DOCK3: variants seen among roughly 807,000 people sequenced by gnomAD.
The protein encoded by DOCK3 is dedicator of cytokinesis 3, also known as dedicator of cytokinesis protein 3.
Under a neutral mutation model 265.6 loss-of-function variants are expected in DOCK3, and 60 were observed. The ratio of observed to expected loss-of-function variants is 0.23; its 90% CI spans 0.18 to 0.28. DOCK3 has a LOEUF of 0.28. Ranked by LOEUF, DOCK3 falls within the 10% of genes least tolerant of loss-of-function variation. DOCK3 has a pLI of 1.00. For synonymous variants in DOCK3, 881 were observed against 938.0 expected, an observed-to-expected ratio of 0.94 and a Z score of 1.11; for missense variants, 1,981 against 2,594.3, an observed-to-expected ratio of 0.76 and a Z score of 5.14.
intron 32 of DOCK3, among the ~76,000 whole-genome samples, chr3:51,327,382 A>G (rs2084197044): frequency 6.6e-6 from 1 of 152,218 alleles, no homozygotes; most frequent in South Asian, 2.1e-4. Flanking sequence ...GGTAAATATC[A>G]GAACTATGCA....
chr3:50,766,070 C>T (rs2040853663), intron 1 of DOCK3, among the ~76,000 whole-genome samples: 1 of 152,110 alleles, frequency 6.6e-6, no homozygotes, highest in Non-Finnish European at 1.5e-5. Flanking sequence ...CTTCTAGGTT[C>T]ATCCATCTTG....
chr3:50,843,984 T>G (rs2045964475), intron 3 of DOCK3, among the ~76,000 whole-genome samples: 1 of 152,184 alleles, frequency 6.6e-6, no homozygotes, highest in South Asian at 2.1e-4. Context: ...GTGCTAATAT[T>G]ATGGTCCTAC....
chr3:51,109,712 C>T (rs2083434308), intron 9 of DOCK3, among the ~76,000 whole-genome samples: 1 of 152,008 alleles, frequency 6.6e-6, no homozygotes, highest in African/African-American at 2.4e-5. Flanking sequence ...CCAGGTGGAC[C>T]ACTGGAACCT....
chr3:51,302,602 A>G (rs1030168520), intron 27 of DOCK3, among the ~76,000 whole-genome samples: 35 of 152,156 alleles, frequency 2.3e-4, no homozygotes, highest in African/African-American at 8.4e-4. Context: ...GAGTTCTTGC[A>G]AGGCAGGCCT....
At chr3:50,786,528 T>C (rs1179416372) in intron 2 of DOCK3, 3 of 389,940 alleles carry the variant, frequency 7.7e-6, no homozygotes, top group South Asian at 2.7e-5. Context: ...TGGGAACTTA[T>C]CTCCTGGAGA....
chr3:51,138,142 G>A (rs967667299), intron 9 of DOCK3, among the ~76,000 whole-genome samples: 2 of 152,052 alleles, frequency 1.3e-5, no homozygotes, highest in African/African-American at 4.8e-5. Flanking sequence ...AGTCCTAGAG[G>A]GTAGAAACCT....
intron 14 of DOCK3, among the ~76,000 whole-genome samples, chr3:51,221,181 C>T (rs1397048706): frequency 6.6e-6 from 1 of 152,176 alleles, no homozygotes; most frequent in African/African-American, 2.4e-5. Flanking sequence ...TCGCTCACTC[C>T]ATAAGCACCT....
chr3:51,036,900 C>A (rs55663224), intron 5 of DOCK3, among the ~76,000 whole-genome samples: 3,792 of 152,234 alleles, frequency 0.025, 183 homozygotes, highest in African/African-American at 0.087. Flanking sequence ...CACAAGCTCT[C>A]TCTTTGCCTG....
intron 22 of DOCK3, among the ~76,000 whole-genome samples, chr3:51,254,978 T>C (rs1173227419): frequency 6.6e-6 from 1 of 152,228 alleles, no homozygotes; most frequent in Non-Finnish European, 1.5e-5. Context: ...GTCTTTACAA[T>C]TGGCATGTTT....
chr3:50,921,347 T>C (rs1212404739), intron 4 of DOCK3, among the ~76,000 whole-genome samples: 1 of 152,230 alleles, frequency 6.6e-6, no homozygotes, highest in East Asian at 1.9e-4. Flanking sequence ...AATTGGCTGC[T>C]GAAGCTTGTG....
At chr3:51,101,043 G>A (rs903380130) in intron 9 of DOCK3, among the ~76,000 whole-genome samples, 7 of 150,420 alleles carry the variant, frequency 4.7e-5, no homozygotes, top group African/African-American at 9.8e-5. Flanking sequence ...GGCCTCAAGC[G>A]ATTCTCCCAC....
intron 10 of DOCK3, among the ~76,000 whole-genome samples, chr3:51,157,703 G>C (rs1461022235): frequency 6.6e-6 from 1 of 151,608 alleles, no homozygotes; most frequent in Admixed American, 6.6e-5. Flanking sequence ...CCTCACACTA[G>C]TGCTAACCCT....
intron 21 of DOCK3, among the ~76,000 whole-genome samples, chr3:51,240,436 A>C (rs2078559050): frequency 6.6e-6 from 1 of 152,190 alleles, no homozygotes; most frequent in Non-Finnish European, 1.5e-5. Context: ...TGTTCTGTAG[A>C]TGTCTATCAG....
At chr3:51,334,505 G>A (rs979091416) in intron 35 of DOCK3, among the ~76,000 whole-genome samples, 43 of 152,164 alleles carry the variant, frequency 2.8e-4, no homozygotes, top group Admixed American at 2.5e-3. Flanking sequence ...GCCTGGATAT[G>A]GAAATGGAAT....
At chr3:50,945,912 T>C (rs565775932) in intron 5 of DOCK3, among the ~76,000 whole-genome samples, 77 of 151,836 alleles carry the variant, frequency 5.1e-4, no homozygotes, top group Non-Finnish European at 9.1e-4. Context: ...CATTCCAGGG[T>C]TGTCATGTTG....
chr3:51,335,991 C>CAAAAAA (rs560859648), intron 35 of DOCK3, among the ~76,000 whole-genome samples: 1 of 58,082 alleles, frequency 1.7e-5, no homozygotes, highest in Non-Finnish European at 3.6e-5. Context: ...GACCCTGTCT[C>CAAAAAA]AAAAAAAAAA....
chr3:50,696,436 A>G (rs1311650737), intron 1 of DOCK3, among the ~76,000 whole-genome samples: 1 of 152,222 alleles, frequency 6.6e-6, no homozygotes, highest in African/African-American at 2.4e-5. Context: ...AAACATGTAC[A>G]ATGGATAGAA....
chr3:51,169,851 G>A (rs561925961), intron 12 of DOCK3, among the ~76,000 whole-genome samples: 1 of 152,212 alleles, frequency 6.6e-6, no homozygotes, highest in South Asian at 2.1e-4. Context: ...CTATCCCAGG[G>A]ATGAATCTCA....
intron 18 of DOCK3, 98 bp from the exon 19 acceptor site, chr3:51,229,414 G>A (rs989168059): frequency 9.1e-6 from 7 of 765,460 alleles, no homozygotes; most frequent in South Asian, 3.0e-5. Flanking sequence ...TCATACAACC[G>A]CACTCCAGCC....
Sources: allele counts gnomAD v4.1 joint callset (sites outside exome capture counted in the v4.1 genomes callset), GRCh38; gene constraint gnomAD v4.1.1; transcripts MANE v1.5; gene names NCBI Gene and HGNC (gene_info 2026-07-23, HGNC 2026-07-21).